Variants in TOP1MT observed in about 807,000 individuals in gnomAD.
The protein encoded by TOP1MT is DNA topoisomerase I mitochondrial, also known as DNA topoisomerase I, mitochondrial.
A neutral mutation model predicts 73.9 loss-of-function variants in TOP1MT; 80 were observed. The ratio of observed to expected loss-of-function variants is 1.08; its 90% CI spans 0.90 to 1.30. TOP1MT has a LOEUF of 1.30. TOP1MT is among the 50% of genes most tolerant of loss of function. TOP1MT has a pLI of 0.00. For synonymous variants in TOP1MT, 338 were observed against 326.4 expected, an observed-to-expected ratio of 1.04 and a Z score of -0.38; for missense variants, 815 against 808.0, an observed-to-expected ratio of 1.01 and a Z score of -0.10.
chr8:143,339,192 C>A (rs1380218190), upstream of TOP1MT, among the ~76,000 whole-genome samples: 1 of 152,206 alleles, frequency 6.6e-6, no homozygotes, highest in Non-Finnish European at 1.5e-5. Context: ...AGCCACACTG[C>A]AAAAGAAACA....
intron 5 of TOP1MT, 104 bp from the exon 6 acceptor site, chr8:143,324,733 GT>G: frequency 7.1e-7 from 1 of 1,410,282 alleles, no homozygotes; most frequent in Non-Finnish European, 9.6e-7. Flanking sequence ...GGCTATGGTG[GT>G]GGCATGGCTC....
At chr8:143,318,127 C>A (rs1177993114) in intron 8 of TOP1MT, 41 bp from the exon 9 acceptor site, 1 of 1,596,930 alleles carries the variant, frequency 6.3e-7, no homozygotes, top group South Asian at 1.1e-5. Context: ...AGAAAAAACC[C>A]GAATCCAGTG....
At position 143,354,011 on chromosome 8, in the gene TOP1MT, T is replaced by C. The variant is rs1388325828; in HGVS notation, c.-39+1954A>G. ...AAAAGTCTGTTGGTTCTTCAGTAAATTCAACATGAAATTACCACAGGAGCC... is the reference window on the plus strand; with the variant it reads ...AAAAGTCTGTTGGTTCTTCAGTAAACTCAACATGAAATTACCACAGGAGCC... On this transcript the variant is annotated intron_variant, in intron 1 of 5. Transcript: ENST00000518760. 5.0e-5 allele frequency among the ~76,000 whole-genome samples: 6 copies of C among 118,888 alleles called. No homozygotes were observed. In the Admixed American group the frequency reaches 5.2e-4, roughly 10 times the overall value. 78.0% of individuals were successfully genotyped at this position (118,888 alleles called of 152,430 possible).
At position 143,324,535 on chromosome 8, in the gene TOP1MT, C is replaced by T. The variant is rs11544484; in HGVS notation, c.766G>A (p.Val256Ile). 0.29 allele frequency: 461,811 copies of T among 1,613,628 alleles called. 70,245 individuals carry two copies. The highest frequency in any genetic ancestry group is 0.49 in the African/African-American group (36,737 of 74,944). The change falls in exon 6 of 14, where the codon GTT (valine) becomes ATT (isoleucine). Residue 256 changes from valine to isoleucine, a missense_variant. Physicochemically the swap from Val to Ile is conservative, Grantham distance 29. Around this residue, in one of 3 missense-constraint regions of TOP1MT, gnomAD observed 751 missense variants for 725.4 expected, o/e 1.04. Transcript: ENST00000329245. Reference sequence around the variant, plus strand: ...ATGATGTACTTGATGGAGTTCTGAACGCTCTCGGTCCAAGCTGCCAGCCAC... The same window carrying T: ...ATGATGTACTTGATGGAGTTCTGAATGCTCTCGGTCCAAGCTGCCAGCCAC... Reference protein sequence around the residue: ...VTWLAAWTESVQNSIKYIMLN... With the variant: ...VTWLAAWTESIQNSIKYIMLN...
At chr8:143,323,417 A>C (rs1165133651) in intron 7 of TOP1MT, among the ~76,000 whole-genome samples, 4 of 107,622 alleles carry the variant, frequency 3.7e-5, no homozygotes, top group African/African-American at 4.0e-5. Context: ...CACGCACGCC[A>C]CACACACAGG....
chr8:143,341,377 G>A lies in TOP1MT; in HGVS notation c.29+1843C>T, dbSNP rs898270595. ...CTCTTCTCTTGGGTGTCAGGACCCC[G>A]GGCACATCCACCAAGGGCCATCTTC... On this transcript the variant is annotated intron_variant, in intron 2 of 5. Transcript: ENST00000518007. The surrounding 1 kb of genome is among the most constrained non-coding windows in gnomAD (Gnocchi z 4.1). Among the ~76,000 whole-genome samples, 5 of 152,278 alleles carry A rather than the reference G, an allele frequency of 3.3e-5. No homozygotes were observed. Among genetic ancestry groups the A allele is most frequent in the East Asian group, 1.9e-4 (1 of 5,176 alleles).
At chr8:143,328,529 C>T (rs548728239) in intron 3 of TOP1MT, among the ~76,000 whole-genome samples, 2 of 152,244 alleles carry the variant, frequency 1.3e-5, no homozygotes, top group African/African-American at 4.8e-5. Flanking sequence ...GCCTCGCACC[C>T]GCGGCAGGCG....
In TOP1MT at chr8:143,309,557, C is replaced by T. The variant is rs1342555111; in HGVS notation, c.1704-14G>A. ...AACCGCTTGCACCTGCGGGAGGCAG[C>T]ATCAGCCCAGGCAAGCAGGCAACTC... On this transcript the variant is annotated splice_polypyrimidine_tract_variant and intron_variant, in intron 13 of 13. Coordinates refer to ENST00000329245, the MANE Select transcript of TOP1MT (RefSeq NM_052963.3). 3.1e-6 allele frequency: 5 copies of T among 1,613,234 alleles called. No homozygotes were observed. Among genetic ancestry groups the T allele is most frequent in the Admixed American group, 3.3e-5 (2 of 60,004 alleles).
In TOP1MT at chr8:143,324,117, T is replaced by C; in HGVS notation, c.842A>G (p.Glu281Gly). Residue 281 changes from glutamate to glycine, a missense_variant, in exon 7 of 14, where the codon GAA becomes GGA. Physicochemically the swap from Glu to Gly is moderately conservative, Grantham distance 98. Coordinates refer to ENST00000329245, the MANE Select transcript of TOP1MT (RefSeq NM_052963.3). ...LKGETAWQKF[E>G]TARRLRGFVD... ...AAATCCCCGCAGGCGTCGAGCTGTTTCAAACTTCTGCCAAGCTGTCTCCCC... is the reference window on the plus strand; with the variant it reads ...AAATCCCCGCAGGCGTCGAGCTGTTCCAAACTTCTGCCAAGCTGTCTCCCC... 2 of 1,613,792 alleles carry C rather than the reference T, an allele frequency of 1.2e-6. No homozygotes were observed. The highest frequency in any genetic ancestry group is 3.3e-4 in the Middle Eastern group (2 of 6,062).
chr8:143,352,103 A>G (rs1222324209), intron 1 of TOP1MT, among the ~76,000 whole-genome samples: 2 of 152,182 alleles, frequency 1.3e-5, no homozygotes, highest in Admixed American at 1.3e-4. Flanking sequence ...AAAGACAACA[A>G]TACTCTCCAA....
At chr8:143,350,667 C>T (rs140162258) in intron 1 of TOP1MT, among the ~76,000 whole-genome samples, 1 of 152,294 alleles carries the variant, frequency 6.6e-6, no homozygotes, top group African/African-American at 2.4e-5. Flanking sequence ...TCCTTATTAT[C>T]GAATATCCAC....
chr8:143,315,632 AC>A (rs1355279698), intron 12 of TOP1MT, 94 bp downstream of exon 12: 2 of 875,346 alleles, frequency 2.3e-6, no homozygotes, highest in Non-Finnish European at 1.8e-6. Context: ...GCACAAGGAG[AC>A]AACAAGGGTC....
At chr8:143,336,495 G>C (rs934767530), upstream of TOP1MT, among the ~76,000 whole-genome samples, 2 of 152,142 alleles carry the variant, frequency 1.3e-5, no homozygotes, top group Admixed American at 1.3e-4. Flanking sequence ...CCAGAAGAAA[G>C]ACTGGACGCT....
rs1251454023 is a variant in TOP1MT, at chr8:143,341,371, G to T, written c.29+1849C>A. Reference sequence around the variant, plus strand: ...TTCTATCTCTTCTCTTGGGTGTCAGGACCCCGGGCACATCCACCAAGGGCC... The same window carrying T: ...TTCTATCTCTTCTCTTGGGTGTCAGTACCCCGGGCACATCCACCAAGGGCC... On this transcript the variant is annotated intron_variant, in intron 2 of 5. Transcript: ENST00000518007. The surrounding 1 kb of genome is among the most constrained non-coding windows in gnomAD (Gnocchi z 4.1). Among the ~76,000 whole-genome samples, 1 of 152,182 alleles carries T rather than the reference G, an allele frequency of 6.6e-6. No individual in the cohort carries two copies. Among genetic ancestry groups the T allele is most frequent in the African/African-American group, 2.4e-5 (1 of 41,448 alleles).
rs1817073788 is a variant in TOP1MT at position 143,341,191 on chromosome 8, C to T, written c.29+2029G>A. ...TCTCCCCACACGTTTGTCCTGAAGCCCTTTCTCCCCTTTCTCTTCGGATAT... is the reference window on the plus strand; with the variant it reads ...TCTCCCCACACGTTTGTCCTGAAGCTCTTTCTCCCCTTTCTCTTCGGATAT... On this transcript the variant is annotated intron_variant, in intron 2 of 5. Transcript: ENST00000518007. This position sits in a 1 kb window ranked among gnomAD's most constrained non-coding sequence, Gnocchi z 4.1. Among the ~76,000 whole-genome samples the T allele has an allele frequency of 6.6e-6, 1 of 152,188 alleles. No individual in the cohort carries two copies. The highest frequency in any genetic ancestry group is 2.1e-4 in the South Asian group (1 of 4,830).
At chr8:143,333,726 G>A (rs1175702051) in intron 1 of TOP1MT, 2 of 152,500 alleles carry the variant, frequency 1.3e-5, no homozygotes, top group Non-Finnish European at 2.9e-5. Flanking sequence ...CAAAGCCAGA[G>A]ACCTTGCTCC....
chr8:143,325,009 C>T (rs1348872450), intron 5 of TOP1MT, among the ~76,000 whole-genome samples: 3 of 152,222 alleles, frequency 2.0e-5, no homozygotes, highest in Non-Finnish European at 4.4e-5. Flanking sequence ...CCCAGCAGTC[C>T]CCTCTCCACC....
At chr8:143,310,023 C>A in intron 13 of TOP1MT, 45 bp downstream of exon 13, 2 of 1,602,722 alleles carry the variant, frequency 1.2e-6, no homozygotes, top group Admixed American at 1.7e-5. Flanking sequence ...AAACCCAGGC[C>A]CCCCATAGGC....
rs896707491 is a variant in TOP1MT at position 143,331,888 on chromosome 8, G to A, written c.123-549C>T. ...GGTGGAAGGGTGGAAGAGGCAGGGCGGGGTGGAGGAGGCGGGGCAGGGAGG... is the reference window on the plus strand; with the variant it reads ...GGTGGAAGGGTGGAAGAGGCAGGGCAGGGTGGAGGAGGCGGGGCAGGGAGG... On this transcript the variant is annotated intron_variant, in intron 1 of 13. Coordinates refer to ENST00000329245, the MANE Select transcript of TOP1MT (RefSeq NM_052963.3). 1.9e-3 allele frequency: 308 copies of A among 159,478 alleles called. 1 individual carries two copies. Among genetic ancestry groups the A allele is most frequent in the South Asian group, 8.6e-4 (5 of 5,812 alleles). The allele number at this position is 159,478 out of a possible 1,614,324, so 9.9% of individuals were successfully genotyped here.
Sources: gnomAD v4.1 joint callset for allele counts (sites outside exome capture counted in the v4.1 genomes callset) on GRCh38, gnomAD v4.1.1 for gene constraint, gnomAD v4.1.1 regional missense constraint, Gnocchi (gnomAD v3.1) non-coding constraint, MANE v1.5 for transcripts, NCBI Gene and HGNC (gene_info 2026-07-23, HGNC 2026-07-21) for gene names.